The following PCDHA12 variants were observed in gnomAD, a reference collection of about 807,000 sequenced individuals.
PCDHA12 encodes protocadherin alpha 12.
A neutral mutation model predicts 60.0 loss-of-function variants in PCDHA12; 44 were observed. The observed-to-expected ratio is 0.73, with a 90% CI of 0.58 to 0.94. The LOEUF (loss-of-function observed/expected upper bound fraction) is 0.94. PCDHA12 is among the 40% of genes least tolerant of loss of function. The probability of loss-of-function intolerance (pLI) is 0.00; values close to 1 mark genes in which losing one functional copy is unlikely to be tolerated. For missense variants in PCDHA12, 1,276 were observed against 1,239.7 expected (o/e 1.03, Z -0.44); for synonymous variants, 569 against 553.0 (o/e 1.03, Z -0.40).
intron 3 of PCDHA12, among the ~76,000 whole-genome samples, chr5:140,986,469 T>G (rs2097202307): frequency 6.6e-6 from 1 of 152,214 alleles, no homozygotes; most frequent in Non-Finnish European, 1.5e-5. Context: ...TGCCCTCTTG[T>G]GATCAGTTCC....
At chr5:140,907,590 C>A (rs924020141) in intron 1 of PCDHA12, among the ~76,000 whole-genome samples, 11 of 152,210 alleles carry the variant, frequency 7.2e-5, no homozygotes, top group Non-Finnish European at 1.6e-4. Flanking sequence ...TGGCTGATCA[C>A]CCTGAGGAAT....
chr5:140,945,909 TC>T (rs1440194990), intron 1 of PCDHA12, among the ~76,000 whole-genome samples: 3 of 151,962 alleles, frequency 2.0e-5, no homozygotes, highest in African/African-American at 7.2e-5. Context: ...AGATGAAAGA[TC>T]AATAACACTG....
chr5:140,978,849 T>C, intron 1 of PCDHA12, 100 bp from the exon 2 acceptor site: 7 of 1,577,036 alleles, frequency 4.4e-6, no homozygotes, highest in Non-Finnish European at 5.2e-6. Flanking sequence ...CTTTTTTAGA[T>C]GCCTGGAAAT....
At chr5:140,940,873 A>G (rs541083185) in intron 1 of PCDHA12, among the ~76,000 whole-genome samples, 10 of 152,352 alleles carry the variant, frequency 6.6e-5, no homozygotes, top group African/African-American at 2.4e-4. Context: ...CAGTGAGTGA[A>G]TACTACTGCT....
intron 1 of PCDHA12, among the ~76,000 whole-genome samples, chr5:140,964,473 T>C (rs1457345251): frequency 6.6e-6 from 1 of 152,068 alleles, no homozygotes; most frequent in Non-Finnish European, 1.5e-5. Flanking sequence ...TGCCTATGAT[T>C]TTTTCACAGT....
Position 141,010,026 on chromosome 5 carries a change from T to C in PCDHA12, c.*89T>C. On this transcript the variant is annotated 3_prime_UTR_variant, in exon 4 of 4. Transcript: ENST00000398631. ...AGCAATTCCCTGCTCCTTTTTCCTA[T>C]CTACATGAGCCCTCTTAGAGACCTC... 1 of 1,574,670 alleles carries C rather than the reference T, an allele frequency of 6.4e-7. No homozygotes were observed. The highest frequency in any genetic ancestry group is 8.6e-7 in the Non-Finnish European group (1 of 1,164,154).
At chr5:140,907,752 T>C (rs1255877387) in intron 1 of PCDHA12, among the ~76,000 whole-genome samples, 5 of 152,190 alleles carry the variant, frequency 3.3e-5, no homozygotes, top group African/African-American at 1.2e-4. Flanking sequence ...ACTTTGTTCA[T>C]GGGCCCATTG....
chr5:140,923,242 C>T (rs1302368115), intron 1 of PCDHA12, among the ~76,000 whole-genome samples: 1 of 151,762 alleles, frequency 6.6e-6, no homozygotes, highest in Non-Finnish European at 1.5e-5. Flanking sequence ...AAGTTTGAGA[C>T]CAGCTGGGCA....
rs782463342 is a variant in PCDHA12, at chr5:140,876,190, C to A, written c.718C>A (p.Pro240Thr). 6.2e-7 allele frequency: 1 copy of A among 1,613,936 alleles called. No individual in the cohort carries two copies. The highest frequency in any genetic ancestry group is 8.5e-7 in the Non-Finnish European group (1 of 1,179,894). The stretch of plus-strand genomic sequence containing the variant: ...CGTCCTGGATGTGAATGACAATGGT[C>A]CGGCGTTTGATAAGCCCAGCTATAA... ...ITVLDVNDNGPAFDKPSYKVV... is the reference protein window; with the variant it reads ...ITVLDVNDNGTAFDKPSYKVV... The change falls in exon 1 of 4, where the codon CCG becomes ACG. Residue 240 changes from proline to threonine, a missense_variant. Transcript: ENST00000398631.
chr5:140,955,956 G>C (rs2095241724), intron 1 of PCDHA12, among the ~76,000 whole-genome samples: 1 of 152,050 alleles, frequency 6.6e-6, no homozygotes, highest in Admixed American at 6.6e-5. Flanking sequence ...CTTGCTTGTT[G>C]TTTGTGCATA....
In PCDHA12 at chr5:140,995,570, A is replaced by T. The variant is rs186345842; in HGVS notation, c.2515+13007A>T. ...TCACTGTACTGAATAATATGTCAAG[A>T]TGAGCTATGAGCTTTTAACTTAGTG... is the stretch of plus-strand genomic sequence containing the variant. On this transcript the variant is annotated intron_variant, in intron 3 of 3. Transcript: ENST00000398631. Among the ~76,000 whole-genome samples, 3 of 152,328 alleles carry T rather than the reference A, an allele frequency of 2.0e-5. No homozygotes were observed. In the East Asian group the frequency reaches 5.8e-4, roughly 29 times the overall value.
chr5:140,939,054 G>C (rs1304220594), intron 1 of PCDHA12, among the ~76,000 whole-genome samples: 1 of 152,112 alleles, frequency 6.6e-6, no homozygotes, highest in East Asian at 1.9e-4. Flanking sequence ...GTCCATTTGG[G>C]CTGCTATATC....
chr5:140,899,465 T>C (rs1291429349), intron 1 of PCDHA12, among the ~76,000 whole-genome samples: 2 of 152,232 alleles, frequency 1.3e-5, no homozygotes, highest in African/African-American at 4.8e-5. Context: ...GTTTTTGTCT[T>C]TGGTTCTGTT....
rs2093245729 is a variant in PCDHA12 at position 140,942,201 on chromosome 5, G to A, written c.2368-36748G>A. Among the ~76,000 whole-genome samples, 3 of 151,938 alleles carry A rather than the reference G, an allele frequency of 2.0e-5. No individual in the cohort carries two copies. The South Asian group carries it at 6.2e-4, about 32-fold the overall frequency. On this transcript the variant is annotated intron_variant, in intron 1 of 3. Coordinates refer to ENST00000398631, the MANE Select transcript of PCDHA12 (RefSeq NM_018903.4). Reference sequence around the variant, plus strand: ...GACATTTTATTTAAAATACATTTTTGAGCATAAGATATTTAAAATGTGTAG... The same window carrying A: ...GACATTTTATTTAAAATACATTTTTAAGCATAAGATATTTAAAATGTGTAG...
rs149656802 is a variant in PCDHA12, at chr5:141,008,452, C to T, written c.2516-1175C>T. ...TTTGCCCAGACAGACCATTACCCTTCCTCTCCAGCTCTGACTTCTACTCTT... is the reference window on the plus strand; with the variant it reads ...TTTGCCCAGACAGACCATTACCCTTTCTCTCCAGCTCTGACTTCTACTCTT... On this transcript the variant is annotated intron_variant, in intron 3 of 3. Coordinates refer to ENST00000398631, the MANE Select transcript of PCDHA12 (RefSeq NM_018903.4). Among the ~76,000 whole-genome samples, 286 of 152,284 alleles carry T rather than the reference C, an allele frequency of 1.9e-3. 2 individuals carry two copies. Among genetic ancestry groups the T allele is most frequent in the African/African-American group, 6.5e-3 (272 of 41,548 alleles).
chr5:140,900,062 A>C (rs1221394657), intron 1 of PCDHA12, among the ~76,000 whole-genome samples: 1 of 152,138 alleles, frequency 6.6e-6, no homozygotes, highest in Non-Finnish European at 1.5e-5. Flanking sequence ...CTTTAACCTC[A>C]GCCTCCAAAA....
intron 1 of PCDHA12, among the ~76,000 whole-genome samples, chr5:140,903,774 C>A (rs1466112745): frequency 6.6e-6 from 1 of 152,122 alleles, no homozygotes; most frequent in African/African-American, 2.4e-5. Context: ...ACTTTTCTAT[C>A]CATAAACTAT....
At position 141,009,773 on chromosome 5, in the gene PCDHA12, A is replaced by C. The variant is rs782087059; in HGVS notation, c.2662A>C (p.Ile888Leu). ...KFIIPGSPAI[I>L]SIRQEPTNSQ... is the part of the protein sequence containing the mutation. ...CATTATCCCAGGATCTCCTGCAATC[A>C]TCTCCATCCGGCAGGAGCCTACTAA... Residue 888 changes from isoleucine to leucine, a missense_variant, in exon 4 of 4, where the codon ATC becomes CTC. Physicochemically the swap from Ile to Leu is conservative, Grantham distance 5. Transcript: ENST00000398631. 1 of 1,614,128 alleles carries C rather than the reference A, an allele frequency of 6.2e-7. No individual in the cohort carries two copies. Among genetic ancestry groups the C allele is most frequent in the East Asian group, 2.2e-5 (1 of 44,878 alleles).
intron 1 of PCDHA12, among the ~76,000 whole-genome samples, chr5:140,923,066 C>G (rs1050883797): frequency 6.6e-6 from 1 of 152,198 alleles, no homozygotes; most frequent in African/African-American, 2.4e-5. Flanking sequence ...AGAGCTAGGT[C>G]TCCTCATGTC....
Sources: allele counts gnomAD v4.1 joint callset (sites outside exome capture counted in the v4.1 genomes callset), GRCh38; gene constraint gnomAD v4.1.1; transcripts MANE v1.5; gene names NCBI Gene and HGNC (gene_info 2026-07-23, HGNC 2026-07-21).